ADAMTS14: variants seen among roughly 807,000 people sequenced by gnomAD.
The protein encoded by ADAMTS14 is A disintegrin and metalloproteinase with thrombospondin motifs 14.
A neutral mutation model predicts 128.6 loss-of-function variants in ADAMTS14; 100 were observed. The ratio of observed to expected loss-of-function variants is 0.78; its 90% CI spans 0.66 to 0.92. The LOEUF (loss-of-function observed/expected upper bound fraction) is 0.92. ADAMTS14 is among the 40% of genes least tolerant of loss of function. ADAMTS14 has a pLI of 0.00. For synonymous variants in ADAMTS14, 665 were observed against 653.8 expected (o/e 1.02, Z -0.26); for missense variants, 1,562 against 1,658.6 (o/e 0.94, Z 1.01).
intron 21 of ADAMTS14, among the ~76,000 whole-genome samples, chr10:70,759,604 A>G (rs1449296155): frequency 6.6e-6 from 1 of 152,220 alleles, no homozygotes; most frequent in African/African-American, 2.4e-5. Flanking sequence ...GGTTTAAGTG[A>G]CTTGCCAAAG....
At chr10:70,675,129 G>A (rs148577695) in intron 2 of ADAMTS14, 134 bp downstream of exon 2, 7 of 1,084,528 alleles carry the variant, frequency 6.5e-6, no homozygotes, top group East Asian at 2.6e-5. Context: ...AGGGAGTGCC[G>A]CCTGCCCCCG....
chr10:70,673,130 G>A (rs1327692096), intron 1 of ADAMTS14, among the ~76,000 whole-genome samples: 2 of 152,172 alleles, frequency 1.3e-5, no homozygotes, highest in South Asian at 2.1e-4. Context: ...GTCTCTTCTC[G>A]GGAGCAGCGC....
Position 70,745,371 on chromosome 10 carries a change from C to T in ADAMTS14, c.2263+65C>T, listed in dbSNP as rs755045393. On this transcript the variant is annotated intron_variant, in intron 15 of 21. Transcript: ENST00000373207. ...GGCCCTGCCCTCTGACTTGGGGGAG[C>T]TGGGAGACCAGAGGACAAGATTCTA... 2.6e-6 allele frequency: 4 copies of T among 1,543,938 alleles called. No individual in the cohort carries two copies. In the South Asian group the frequency reaches 4.5e-5, roughly 17 times the overall value.
chr10:70,687,383 G>A (rs1840008235), intron 2 of ADAMTS14, among the ~76,000 whole-genome samples: 4 of 60,314 alleles, frequency 6.6e-5, no homozygotes, highest in Admixed American at 3.3e-4. Flanking sequence ...CGGGCAGAGG[G>A]GCTCCTCACT....
At position 70,744,133 on chromosome 10, in the gene ADAMTS14, A is replaced by G; in HGVS notation, c.2126A>G (p.Asp709Gly). ...GACAAGTGTGGAGTCTGCGGGGGTG[A>G]CAACTCCCACTGCAGGACTGTGAAG... ...ADDKCGVCGG[D>G]NSHCRTVKGT... The change falls in exon 14 of 22, where the codon GAC becomes GGC. Residue 709 changes from aspartate (D) to glycine (G), a missense_variant. Coordinates refer to ENST00000373207, the MANE Select transcript of ADAMTS14 (RefSeq NM_080722.4). 1 of 1,559,930 alleles carries G rather than the reference A, an allele frequency of 6.4e-7. No individual in the cohort carries two copies. Among genetic ancestry groups the G allele is most frequent in the Non-Finnish European group, 8.7e-7 (1 of 1,151,828 alleles).
At chr10:70,696,777 G>A (rs1044577581) in intron 2 of ADAMTS14, among the ~76,000 whole-genome samples, 2 of 152,156 alleles carry the variant, frequency 1.3e-5, no homozygotes, top group East Asian at 1.9e-4. Flanking sequence ...ACCTGCGGTC[G>A]AGGTTTCTGG....
At chr10:70,742,905 A>G (rs1427678333) in intron 12 of ADAMTS14, among the ~76,000 whole-genome samples, 1 of 152,226 alleles carries the variant, frequency 6.6e-6, no homozygotes, top group Non-Finnish European at 1.5e-5. Context: ...AAACCCAGAT[A>G]CAGACCACTT....
chr10:70,757,923 C>T, intron 19 of ADAMTS14, 39 bp from the exon 20 acceptor site: 2 of 1,557,862 alleles, frequency 1.3e-6, no homozygotes, highest in Admixed American at 1.9e-5. Context: ...CCTACCCTGA[C>T]CCCGGCCGCT....
At chr10:70,745,923 C>T (rs1842165205) in intron 15 of ADAMTS14, among the ~76,000 whole-genome samples, 1 of 152,126 alleles carries the variant, frequency 6.6e-6, no homozygotes, top group Non-Finnish European at 1.5e-5. Context: ...ACAGGCTAAC[C>T]CAGTGTTATT....
At chr10:70,699,383 A>G (rs1840428857) in intron 2 of ADAMTS14, among the ~76,000 whole-genome samples, 1 of 152,194 alleles carries the variant, frequency 6.6e-6, no homozygotes, top group African/African-American at 2.4e-5. Context: ...TAAGAAAACT[A>G]TTTATAAAGG....
At position 70,760,817 on chromosome 10, in the gene ADAMTS14, C is replaced by T. The variant is rs373085854; in HGVS notation, c.3636C>T (p.Pro1212=). The stretch of plus-strand genomic sequence containing the variant: ...AACCTGGAGAAGACCTGAGACATCC[C>T]GGCACCAGCCTCCCTGCTGCCTCCC... The part of the protein sequence containing the change: ...KGQPGEDLRH[P]GTSLPAASPV... The change falls in exon 22 of 22, where the codon CCC becomes CCT. Residue 1212 remains proline, a synonymous_variant. Coordinates refer to ENST00000373207, the MANE Select transcript of ADAMTS14 (RefSeq NM_080722.4). The T allele has an allele frequency of 1.5e-5, 24 of 1,588,194 alleles. No homozygotes were observed. The highest frequency in any genetic ancestry group is 1.9e-5 in the Non-Finnish European group (22 of 1,164,728).
At chr10:70,754,623 G>C (rs773012083) in intron 19 of ADAMTS14, among the ~76,000 whole-genome samples, 1 of 152,182 alleles carries the variant, frequency 6.6e-6, no homozygotes, top group Non-Finnish European at 1.5e-5. Context: ...AGTGGGGCTG[G>C]AGCTGACTGG....
chr10:70,726,836 G>A (rs1457730910), intron 4 of ADAMTS14, among the ~76,000 whole-genome samples: 3 of 152,132 alleles, frequency 2.0e-5, no homozygotes, highest in Non-Finnish European at 4.4e-5. Flanking sequence ...GGATTGAGGA[G>A]GACATTGTCT....
Position 70,732,271 on chromosome 10 carries a change from G to T in ADAMTS14, c.1120G>T (p.Gly374Cys), listed in dbSNP as rs1359748452. The T allele has an allele frequency of 6.2e-7, 1 of 1,614,042 alleles. No individual in the cohort carries two copies. The highest frequency in any genetic ancestry group is 8.5e-7 in the Non-Finnish European group (1 of 1,180,026). ...FGPSGYAPVTGMCHPLRSCAL... is the reference protein window; with the variant it reads ...FGPSGYAPVTCMCHPLRSCAL... ...TTCGGCAGGGTATGCACCCGTCACT[G>T]GCATGTGTCACCCCCTGAGGAGCTG... Residue 374 changes from glycine (G) to cysteine (C), a missense_variant, in exon 7 of 22, where the codon GGC becomes TGC. Gly to Cys is a radical substitution (Grantham distance 159). Transcript: ENST00000373207.
In ADAMTS14 at chr10:70,703,989, G is replaced by A. The variant is rs11595287; in HGVS notation, c.679+1521G>A. On this transcript the variant is annotated intron_variant, in intron 3 of 21. Transcript: ENST00000373207. ...CGTGGGGCTGAGCCCAGTGTGGGGA[G>A]AAGCATTTCTAGGCGTGCCTGTCTC... Among the ~76,000 whole-genome samples the A allele has an allele frequency of 4.9e-3, 740 of 152,362 alleles. 2 individuals carry two copies. Among genetic ancestry groups the A allele is most frequent in the Middle Eastern group, 0.027 (8 of 294 alleles).
At chr10:70,755,065 GGA>G (rs1842448436) in intron 19 of ADAMTS14, among the ~76,000 whole-genome samples, 2 of 152,148 alleles carry the variant, frequency 1.3e-5, no homozygotes, top group African/African-American at 4.8e-5. Flanking sequence ...CAGATCTTTG[GGA>G]GGCTGATGTG....
At chr10:70,718,880 G>C (rs1477640531) in intron 4 of ADAMTS14, among the ~76,000 whole-genome samples, 1 of 151,308 alleles carries the variant, frequency 6.6e-6, no homozygotes, top group Non-Finnish European at 1.5e-5. Context: ...ATTTTTAGTA[G>C]AGACAGGGTC....
rs771607010 is a variant in ADAMTS14, at chr10:70,736,727, C to T, written c.1533C>T (p.Asp511=). The change falls in exon 10 of 22, where the codon GAC becomes GAT. Residue 511 remains aspartate (D), a synonymous_variant. Transcript: ENST00000373207. ...PCKQLWCSHP[D]NPYFCKTKKG... is the part of the protein sequence containing the mutation. ...AGCAGCTGTGGTGCAGCCATCCTGA[C>T]AACCCGTACTTCTGCAAGACCAAGA... 6.2e-7 allele frequency: 1 copy of T among 1,613,904 alleles called. No individual in the cohort carries two copies. The highest frequency in any genetic ancestry group is 1.1e-5 in the South Asian group (1 of 91,064).
At chr10:70,734,598 G>A (rs1342288413) in intron 8 of ADAMTS14, among the ~76,000 whole-genome samples, 1 of 152,194 alleles carries the variant, frequency 6.6e-6, no homozygotes, top group Non-Finnish European at 1.5e-5. Context: ...CCCAATTCCG[G>A]CCTGGCTGGT....
Sources: allele counts gnomAD v4.1 joint callset (sites outside exome capture counted in the v4.1 genomes callset), GRCh38; gene constraint gnomAD v4.1.1; transcripts MANE v1.5; gene names NCBI Gene and HGNC (gene_info 2026-07-23, HGNC 2026-07-21).